The following FMN1 variants were observed in gnomAD, a reference collection of about 807,000 sequenced individuals.
The protein encoded by FMN1 is formin-1.
A neutral mutation model predicts 132.4 loss-of-function variants in FMN1; 110 were observed. The observed-to-expected ratio is 0.83, with a 90% confidence interval of 0.71 to 0.97. The LOEUF (loss-of-function observed/expected upper bound fraction) is 0.97, where lower values mean the gene tolerates loss of function less well. Among genes scored for constraint, FMN1 ranks in the 50% least tolerant of loss-of-function variants. FMN1 has a pLI of 0.00. For synonymous variants in FMN1, 722 were observed against 651.7 expected (o/e 1.11, Z -1.64); for missense variants, 1,792 against 1,705.3 (o/e 1.05, Z -0.90).
In FMN1 at chr15:32,972,328, T is replaced by TA. The variant is rs371283641; in HGVS notation, c.2224-2852dup. ...TACCAAAATCCTTCTTAAATTCCTTTAGCTATGGCACTTTCCAACCCTACC... is the reference window on the plus strand; with the variant it reads ...TACCAAAATCCTTCTTAAATTCCTTTAAGCTATGGCACTTTCCAACCCTACC... On this transcript the variant is annotated intron_variant, in intron 7 of 20. Transcript: ENST00000616417. Among the ~76,000 whole-genome samples, 870 of 152,302 alleles carry TA rather than the reference T, an allele frequency of 5.7e-3. 10 individuals carry two copies. The highest frequency in any genetic ancestry group is 0.02 in the African/African-American group (830 of 41,558).
intron 2 of FMN1, among the ~76,000 whole-genome samples, chr15:33,190,794 G>A (rs1218659640): frequency 6.6e-6 from 1 of 152,136 alleles, no homozygotes; most frequent in East Asian, 1.9e-4. Context: ...TTACAGCCTT[G>A]TCTATCCTCC....
intron 6 of FMN1, among the ~76,000 whole-genome samples, chr15:33,017,039 G>A (rs995623306): frequency 4.6e-5 from 7 of 152,090 alleles, no homozygotes; most frequent in Non-Finnish European, 1.0e-4. Context: ...TGCATCTGCG[G>A]TCATCAATAT....
At chr15:32,877,565 A>C (rs764758887) in intron 16 of FMN1, among the ~76,000 whole-genome samples, 6 of 152,208 alleles carry the variant, frequency 3.9e-5, no homozygotes, top group South Asian at 2.1e-4. Flanking sequence ...TAGTAAGAAT[A>C]ATCATCTCAG....
intron 19 of FMN1, among the ~76,000 whole-genome samples, chr15:32,780,798 C>T (rs1284318733): frequency 1.3e-5 from 2 of 152,170 alleles, no homozygotes; most frequent in Non-Finnish European, 2.9e-5. Flanking sequence ...CAGCTCCAGG[C>T]AGGCGGTAAT....
chr15:33,115,631 C>T (rs1053471324), intron 4 of FMN1, among the ~76,000 whole-genome samples: 17 of 151,796 alleles, frequency 1.1e-4, no homozygotes, highest in South Asian at 2.1e-4. Context: ...CACCTGAAAT[C>T]CAGCTGTGCA....
chr15:33,036,179 C>G (rs1433172844), intron 6 of FMN1, among the ~76,000 whole-genome samples: 2 of 152,188 alleles, frequency 1.3e-5, no homozygotes, highest in Non-Finnish European at 2.9e-5. Flanking sequence ...TGCTAAGACA[C>G]TACATTTCTT....
chr15:33,154,275 G>A lies in FMN1; in HGVS notation c.640C>T (p.Leu214=). ...GGGAGCAGATTTCCTTTCTCCTCTA[G>A]TACCCAAAGGTTAGGCCTTGTTCTA... ...LSRTRPNLWV[L]EEKGNLLPNG... Residue 214 remains leucine (L), a synonymous_variant, in exon 4 of 21, where the codon CTA becomes TTA. Coordinates refer to ENST00000616417, the MANE Select transcript of FMN1 (RefSeq NM_001277313.2). 6.5e-7 allele frequency: 1 copy of A among 1,536,168 alleles called. No homozygotes were observed. Among genetic ancestry groups the A allele is most frequent in the Non-Finnish European group, 8.7e-7 (1 of 1,146,930 alleles).
chr15:33,188,014 T>C (rs141370045), intron 2 of FMN1, among the ~76,000 whole-genome samples: 59 of 152,246 alleles, frequency 3.9e-4, no homozygotes, highest in African/African-American at 1.4e-3. Flanking sequence ...CATGCACTGA[T>C]TGAAATGCTA....
intron 6 of FMN1, among the ~76,000 whole-genome samples, chr15:33,049,065 T>C (rs1566865875): frequency 6.6e-6 from 1 of 152,202 alleles, no homozygotes; most frequent in African/African-American, 2.4e-5. Context: ...TTTCAACAAG[T>C]TGTGGAAGGT....
chr15:32,804,992 G>T (rs2057627662), intron 17 of FMN1, among the ~76,000 whole-genome samples: 1 of 152,130 alleles, frequency 6.6e-6, no homozygotes, highest in Admixed American at 6.5e-5. Flanking sequence ...TATCTTTATA[G>T]TAGCATGATT....
chr15:32,974,026 A>G (rs1170495371), intron 7 of FMN1, among the ~76,000 whole-genome samples: 2 of 152,226 alleles, frequency 1.3e-5, no homozygotes, highest in African/African-American at 4.8e-5. Flanking sequence ...GGGAATCTTC[A>G]GGAAGTGTCA....
intron 9 of FMN1, among the ~76,000 whole-genome samples, chr15:32,947,789 TG>T (rs1164360037): frequency 1.3e-5 from 2 of 152,192 alleles, no homozygotes; most frequent in Non-Finnish European, 2.9e-5. Context: ...AACTTAATAG[TG>T]TATAAAAATG....
chr15:32,795,439 C>T (rs115196004), intron 19 of FMN1, among the ~76,000 whole-genome samples: 3,362 of 152,174 alleles, frequency 0.022, 57 homozygotes, highest in African/African-American at 0.044. Flanking sequence ...ATTAGAACCG[C>T]AGTTTCTAGA....
intron 3 of FMN1, among the ~76,000 whole-genome samples, chr15:33,174,801 T>G (rs1435353306): frequency 2.0e-5 from 3 of 152,174 alleles, no homozygotes; most frequent in African/African-American, 2.4e-5. Flanking sequence ...TAACCCATAT[T>G]TAGACTTATA....
intron 5 of FMN1, among the ~76,000 whole-genome samples, chr15:33,087,330 G>T (rs2038735124): frequency 6.6e-6 from 1 of 152,096 alleles, no homozygotes; most frequent in Admixed American, 6.5e-5. Context: ...GAACATTTTT[G>T]AGGTCAAGAG....
At chr15:33,054,911 G>A (rs1209934318) in intron 6 of FMN1, among the ~76,000 whole-genome samples, 1 of 151,992 alleles carries the variant, frequency 6.6e-6, no homozygotes. Flanking sequence ...ATTCTAGCAG[G>A]GTATCATAAC....
At chr15:32,970,791 T>C (rs1284452840) in intron 7 of FMN1, 1 of 149,092 alleles carries the variant, frequency 6.7e-6, no homozygotes, top group Non-Finnish European at 1.5e-5. Flanking sequence ...TGTCTGGTGT[T>C]AAAAAAAAAA....
chr15:32,853,470 A>C (rs2059055366), intron 17 of FMN1, among the ~76,000 whole-genome samples: 1 of 152,234 alleles, frequency 6.6e-6, no homozygotes, highest in Non-Finnish European at 1.5e-5. Context: ...TAGATGAAAT[A>C]CTATAAACTG....
intron 4 of FMN1, among the ~76,000 whole-genome samples, chr15:33,124,607 G>C (rs766826134): frequency 2.0e-5 from 3 of 152,106 alleles, no homozygotes; most frequent in Non-Finnish European, 4.4e-5. Flanking sequence ...TACAAATATT[G>C]CATTAATCTT....
Sources: gnomAD v4.1 joint callset for allele counts (sites outside exome capture counted in the v4.1 genomes callset) on GRCh38, gnomAD v4.1.1 for gene constraint, MANE v1.5 for transcripts, NCBI Gene and HGNC (gene_info 2026-07-23, HGNC 2026-07-21) for gene names.